The following SLCO2B1 variants were observed in gnomAD, a reference collection of about 807,000 sequenced individuals.
The protein encoded by SLCO2B1 is OATP-RP2.
SLCO2B1 carries 41 observed loss-of-function variants against 67.3 expected under a neutral mutation model. That is an observed-to-expected ratio of 0.61 (90% CI 0.47 to 0.79). SLCO2B1 has a LOEUF of 0.79. Among genes scored for constraint, SLCO2B1 ranks in the 30% least tolerant of loss-of-function variants. The probability of loss-of-function intolerance (pLI) is 0.00; values close to 1 mark genes in which losing one functional copy is unlikely to be tolerated. For missense variants in SLCO2B1, 837 were observed against 920.1 expected (o/e 0.91, Z 1.17); for synonymous variants, 379 against 381.4 (o/e 0.99, Z 0.07).
intron 6 of SLCO2B1, among the ~76,000 whole-genome samples, chr11:75,170,398 C>T (rs553506207): frequency 6.6e-5 from 10 of 152,102 alleles, no homozygotes; most frequent in Admixed American, 2.6e-4. Context: ...GTGGGACTGA[C>T]GCTTGGTCTG....
chr11:75,179,476 C>T (rs1565541718), intron 7 of SLCO2B1, among the ~76,000 whole-genome samples: 2 of 151,972 alleles, frequency 1.3e-5, no homozygotes, highest in Non-Finnish European at 1.5e-5. Context: ...AAGTGATCCA[C>T]CCCCCTCAGC....
chr11:75,164,391 G>A (rs1949861664), intron 3 of SLCO2B1, among the ~76,000 whole-genome samples: 3 of 152,226 alleles, frequency 2.0e-5, no homozygotes, highest in East Asian at 3.9e-4. Flanking sequence ...TACCTTTTCA[G>A]GCACCCAACT....
At chr11:75,168,868 G>A (rs1037034872) in intron 4 of SLCO2B1, among the ~76,000 whole-genome samples, 1 of 152,166 alleles carries the variant, frequency 6.6e-6, no homozygotes, top group South Asian at 2.1e-4. Flanking sequence ...CCACCCAGGG[G>A]CCACCGTTGC....
chr11:75,177,329 T>C (rs1347341007), intron 7 of SLCO2B1, among the ~76,000 whole-genome samples: 4 of 152,254 alleles, frequency 2.6e-5, no homozygotes, highest in African/African-American at 9.6e-5. Context: ...TACTGCCATT[T>C]GTCAGAGGAG....
At chr11:75,177,706 C>T (rs1211181985) in intron 7 of SLCO2B1, among the ~76,000 whole-genome samples, 2 of 152,212 alleles carry the variant, frequency 1.3e-5, no homozygotes, top group Non-Finnish European at 2.9e-5. Flanking sequence ...ATCCTTCATA[C>T]AGCCTGTGTT....
At chr11:75,203,089 G>T (rs377487335) in intron 12 of SLCO2B1, 124 bp downstream of exon 12, 23 of 1,163,388 alleles carry the variant, frequency 2.0e-5, no homozygotes, top group East Asian at 9.3e-5. Flanking sequence ...AAGCTCATGG[G>T]GTGACAGACC....
rs773262939 is a variant in SLCO2B1 at position 75,203,293 on chromosome 11, AC to A, written c.1829-12del. 1 of 1,611,994 alleles carries A rather than the reference AC, an allele frequency of 6.2e-7. No individual in the cohort carries two copies. Among genetic ancestry groups the A allele is most frequent in the Admixed American group, 1.7e-5 (1 of 59,998 alleles). ...GGTGGGCCTTCATTGTCCCCTGAGC[AC>A]CACCTCCCTCAGCCTGGATGCCCAG... On this transcript the variant is annotated splice_polypyrimidine_tract_variant and intron_variant, in intron 12 of 13. Transcript: ENST00000289575.
intron 7 of SLCO2B1, among the ~76,000 whole-genome samples, chr11:75,176,948 C>T (rs942229354): frequency 1.3e-5 from 2 of 152,212 alleles, no homozygotes; most frequent in Non-Finnish European, 2.9e-5. Flanking sequence ...GGCCCTTGCA[C>T]CTGTCTGTAC....
At chr11:75,166,086 C>T (rs555745204) in intron 4 of SLCO2B1, 137 bp downstream of exon 4, 107 of 1,088,408 alleles carry the variant, frequency 9.8e-5, no homozygotes, top group African/African-American at 9.4e-4. Flanking sequence ...TAGTCCCCCC[C>T]CAACCTGGCT....
At chr11:75,159,254 G>A (rs1046371158) in intron 1 of SLCO2B1, among the ~76,000 whole-genome samples, 7 of 152,234 alleles carry the variant, frequency 4.6e-5, no homozygotes, top group Admixed American at 1.3e-4. Flanking sequence ...GACCCATTGC[G>A]GGCCAGCTCG....
In SLCO2B1 at chr11:75,163,982, G is replaced by A; in HGVS notation, c.167G>A (p.Ser56Asn). The A allele has an allele frequency of 6.2e-7, 1 of 1,602,950 alleles. No individual in the cohort carries two copies. Among genetic ancestry groups the A allele is most frequent in the Non-Finnish European group, 8.5e-7 (1 of 1,174,990 alleles). ...HNIKLFVLCHSLLQLAQLMIS... is the reference protein window; with the variant it reads ...HNIKLFVLCHNLLQLAQLMIS... ...CCACAGCTGTTCGTTCTGTGCCACA[G>A]CCTGCTGCAGCTGGCGCAGCTCATG... The change falls in exon 3 of 14, where the codon AGC (serine) becomes AAC (asparagine). Residue 56 changes from serine to asparagine, a missense_variant. Ser to Asn is a conservative substitution (Grantham distance 46, BLOSUM62 1). Coordinates refer to ENST00000289575, the MANE Select transcript of SLCO2B1 (RefSeq NM_007256.5).
rs768988346 is a variant in SLCO2B1, at chr11:75,172,479, C to T, written c.882C>T (p.Tyr294=). Residue 294 remains tyrosine (Y), a synonymous_variant, in exon 7 of 14, where the codon TAC becomes TAT. Transcript: ENST00000289575. ...CAGTGGCCCTGGCTGCCATCCCCTA[C>T]TTCTTCTTCCCCAAGGAAATGCCCA... ...AGAVALAAIP[Y]FFFPKEMPKE... The T allele has an allele frequency of 6.2e-7, 1 of 1,614,208 alleles. No individual in the cohort carries two copies. The highest frequency in any genetic ancestry group is 1.7e-5 in the Admixed American group (1 of 60,032).
At chr11:75,169,542 C>T in intron 5 of SLCO2B1, 124 bp from the exon 6 acceptor site, 1 of 1,199,022 alleles carries the variant, frequency 8.3e-7, no homozygotes, top group African/African-American at 1.5e-5. Context: ...CAGGGAAGCC[C>T]TGGAGAGTTC....
chr11:75,172,217 C>A (rs1187802739), intron 6 of SLCO2B1, among the ~76,000 whole-genome samples, 162 bp from the exon 7 acceptor site: 1 of 152,190 alleles, frequency 6.6e-6, no homozygotes, highest in Non-Finnish European at 1.5e-5. Context: ...CAAGGACTTG[C>A]CCAGGGTCAC....
intron 6 of SLCO2B1, 153 bp downstream of exon 6, chr11:75,169,917 T>G: frequency 1.6e-6 from 1 of 622,020 alleles, no homozygotes; most frequent in South Asian, 1.9e-5. Flanking sequence ...CTTTCTCATC[T>G]GTGAGATAAT....
chr11:75,191,908 C>A (rs1945027908), intron 8 of SLCO2B1, among the ~76,000 whole-genome samples: 1 of 152,198 alleles, frequency 6.6e-6, no homozygotes, highest in Non-Finnish European at 1.5e-5. Context: ...AGGACTTACC[C>A]ACCCTTTTGT....
At chr11:75,198,831 G>A (rs1263484976) in intron 10 of SLCO2B1, among the ~76,000 whole-genome samples, 1 of 152,234 alleles carries the variant, frequency 6.6e-6, no homozygotes, top group African/African-American at 2.4e-5. Flanking sequence ...GTAAGGTGGG[G>A]CAGGTGGGCG....
At chr11:75,172,594 C>A in intron 7 of SLCO2B1, 25 bp downstream of exon 7, 1 of 1,597,506 alleles carries the variant, frequency 6.3e-7, no homozygotes, top group Non-Finnish European at 8.6e-7. Context: ...TGTCACCTGA[C>A]TGGGTCCAGG....
chr11:75,203,139 T>C, intron 12 of SLCO2B1, 168 bp from the exon 13 acceptor site: 1 of 1,176,956 alleles, frequency 8.5e-7, no homozygotes, highest in Non-Finnish European at 1.2e-6. Flanking sequence ...AGGCAGAGTC[T>C]AGACAGCCCG....
Sources: gnomAD v4.1 joint callset for allele counts (sites outside exome capture counted in the v4.1 genomes callset) on GRCh38, gnomAD v4.1.1 for gene constraint, MANE v1.5 for transcripts, NCBI Gene and HGNC (gene_info 2026-07-23, HGNC 2026-07-21) for gene names.